The following KLF8 variants were observed in gnomAD, a reference collection of about 807,000 sequenced individuals.
KLF8 encodes Krueppel-like factor 8.
KLF8 carries 10 observed loss-of-function variants against 18.2 expected under a neutral mutation model. That is an observed-to-expected ratio of 0.55 (90% CI 0.34 to 0.93). The LOEUF (loss-of-function observed/expected upper bound fraction) is 0.93. Among genes scored for constraint, KLF8 ranks in the 40% least tolerant of loss-of-function variants. The pLI, the probability that KLF8 is intolerant of heterozygous loss-of-function variation, is 0.02. For synonymous variants in KLF8, 109 were observed against 97.3 expected (o/e 1.12, Z -0.71); for missense variants, 264 against 277.9 (o/e 0.95, Z 0.36).
chrX:55,959,758 A>G, the KLF8 span, among the ~76,000 whole-genome samples: 24,134 of 111,302 alleles, frequency 0.22, 5,419 homozygotes, highest in African/African-American at 0.69. Flanking sequence ...GACCAAACCT[A>G]TGACATATTG....
At chrX:56,009,620 T>C in the KLF8 span, among the ~76,000 whole-genome samples, 1 of 111,953 alleles carries the variant, frequency 8.9e-6, no homozygotes, top group Admixed American at 9.4e-5. Flanking sequence ...ATGGATGAAT[T>C]GACAGAAGTA....
At chrX:56,016,571 G>C in the KLF8 span, among the ~76,000 whole-genome samples, 1 of 111,477 alleles carries the variant, frequency 9.0e-6, no homozygotes, top group Non-Finnish European at 1.9e-5. Context: ...AGTACTTCAC[G>C]TTAAATAAGC....
the KLF8 span, among the ~76,000 whole-genome samples, chrX:55,956,781 A>G: frequency 1.8e-5 from 2 of 111,747 alleles, no homozygotes; most frequent in Non-Finnish European, 1.9e-5. Context: ...GGAATTTTTT[A>G]TGGATTCTGA....
chrX:55,946,997 G>T, the KLF8 span, among the ~76,000 whole-genome samples: 1 of 111,703 alleles, frequency 9.0e-6, no homozygotes, highest in Admixed American at 9.5e-5. Context: ...GCAGGTGCTG[G>T]AGAGGATGTG....
the KLF8 span, among the ~76,000 whole-genome samples, chrX:56,169,556 C>G: frequency 9.0e-6 from 1 of 111,404 alleles, no homozygotes; most frequent in Non-Finnish European, 1.9e-5. Flanking sequence ...TGGCAGTACT[C>G]TCTGTGGACC....
the KLF8 span, among the ~76,000 whole-genome samples, chrX:55,946,921 T>A: frequency 9.0e-6 from 1 of 111,329 alleles, no homozygotes; most frequent in East Asian, 2.8e-4. Flanking sequence ...GAAATGCAAA[T>A]CAAAACCACA....
At chrX:56,161,408 C>T in the KLF8 span, among the ~76,000 whole-genome samples, 4 of 111,794 alleles carry the variant, frequency 3.6e-5, no homozygotes, top group African/African-American at 9.7e-5. Context: ...GGTACACCAA[C>T]GAGACTTAGA....
At chrX:56,153,477 T>G in the KLF8 span, among the ~76,000 whole-genome samples, 1 of 112,002 alleles carries the variant, frequency 8.9e-6, no homozygotes, top group Non-Finnish European at 1.9e-5. Context: ...TCTGTTGTTT[T>G]GGCTCAAACA....
At chrX:56,114,762 G>A in the KLF8 span, among the ~76,000 whole-genome samples, 1 of 112,887 alleles carries the variant, frequency 8.9e-6, no homozygotes, top group African/African-American at 3.2e-5. Context: ...TCCCCAAGTT[G>A]CCTCAGGCAA....
chrX:56,268,234 T>A (rs746464923), intron 3 of KLF8: 1 of 111,990 alleles, frequency 8.9e-6, no homozygotes, highest in Admixed American at 9.5e-5. Context: ...TGGTTCCACA[T>A]CTTGGCTGTT....
At chrX:56,241,632 G>C (rs981430878) in intron 1 of KLF8, among the ~76,000 whole-genome samples, 12 of 111,738 alleles carry the variant, frequency 1.1e-4, no homozygotes, top group Non-Finnish European at 1.9e-5. Flanking sequence ...ATATATCATA[G>C]AATGTTATAA....
the KLF8 span, among the ~76,000 whole-genome samples, chrX:56,126,031 C>G: frequency 9.0e-6 from 1 of 111,467 alleles, no homozygotes; most frequent in Non-Finnish European, 1.9e-5. Flanking sequence ...ACTCAGAAAA[C>G]ACTAAAATCA....
chrX:56,061,697 G>A, the KLF8 span, among the ~76,000 whole-genome samples: 1 of 111,259 alleles, frequency 9.0e-6, no homozygotes, highest in African/African-American at 3.3e-5. Flanking sequence ...GTCCAGAGCT[G>A]AGTTCAAGTC....
At chrX:56,259,409 G>A (rs1181014532) in intron 2 of KLF8, among the ~76,000 whole-genome samples, 1 of 109,605 alleles carries the variant, frequency 9.1e-6, no homozygotes, top group Admixed American at 9.8e-5. Context: ...TTTAAAGCTG[G>A]GCTGCTTTCT....
At chrX:56,276,873 A>G (rs1003779014) in intron 5 of KLF8, among the ~76,000 whole-genome samples, 4 of 111,558 alleles carry the variant, frequency 3.6e-5, no homozygotes, top group Non-Finnish European at 7.5e-5. Flanking sequence ...TTTAAGGCCA[A>G]TAACTCTTAG....
At chrX:56,221,061 C>T in the KLF8 span, among the ~76,000 whole-genome samples, 1 of 111,964 alleles carries the variant, frequency 8.9e-6, no homozygotes, top group Non-Finnish European at 1.9e-5. Flanking sequence ...TTAAATTATA[C>T]TTCCTTACTT....
the KLF8 span, among the ~76,000 whole-genome samples, chrX:56,132,792 A>G: frequency 1.8e-5 from 2 of 111,683 alleles, no homozygotes; most frequent in Non-Finnish European, 3.8e-5. Flanking sequence ...AAAAGAAGAG[A>G]GAAGATCCAA....
At chrX:56,105,390 G>A in the KLF8 span, among the ~76,000 whole-genome samples, 2 of 111,560 alleles carry the variant, frequency 1.8e-5, no homozygotes, top group East Asian at 2.8e-4. Flanking sequence ...TTATGAGTCT[G>A]GGTAGTGCTG....
the KLF8 span, among the ~76,000 whole-genome samples, chrX:56,086,236 G>A: frequency 1.4e-4 from 16 of 111,756 alleles, no homozygotes; most frequent in East Asian, 3.7e-3. Context: ...TTAGTAAATC[G>A]TATTTCTCTA....
Sources: gnomAD v4.1 joint callset for allele counts (sites outside exome capture counted in the v4.1 genomes callset) on GRCh38, gnomAD v4.1.1 for gene constraint, MANE v1.5 for transcripts, NCBI Gene and HGNC (gene_info 2026-07-23, HGNC 2026-07-21) for gene names.